TRIM37: variants seen among roughly 807,000 people sequenced by gnomAD.
TRIM37 encodes the protein tripartite motif containing 37.
In TRIM37, 80 loss-of-function variants were observed where a neutral mutation model predicts 129.8. The ratio of observed to expected loss-of-function variants is 0.62; its 90% CI spans 0.51 to 0.74. TRIM37 has a LOEUF of 0.74. TRIM37 is among the 30% of genes least tolerant of loss of function. The pLI, the probability that TRIM37 is intolerant of heterozygous loss-of-function variation, is 0.00. For missense variants in TRIM37, 1,054 were observed against 1,176.5 expected, an observed-to-expected ratio of 0.90 and a Z score of 1.52; for synonymous variants, 389 against 387.1, an observed-to-expected ratio of 1.00 and a Z score of -0.06.
At chr17:58,980,877 CCTCA>C (rs766865943), downstream of TRIM37, 1 of 1,614,210 alleles carries the variant, frequency 6.2e-7, no homozygotes. This position sits in a 1 kb window ranked among gnomAD's most constrained non-coding sequence, Gnocchi z 4.7. Context: ...ACTAGCCTGT[CCTCA>C]CTTACTGGAA....
At chr17:58,980,581 A>G (rs138211677), downstream of TRIM37, 36 of 1,614,086 alleles carry the variant, frequency 2.2e-5, no homozygotes, top group Non-Finnish European at 3.1e-5. The surrounding 1 kb of genome is among the most constrained non-coding windows in gnomAD (Gnocchi z 4.7). Flanking sequence ...TTAATGAGTT[A>G]ATGATGGAGA....
At position 59,028,407 on chromosome 17, in the gene TRIM37, T is replaced by C. The variant is rs1156663108; in HGVS notation, c.2257+8A>G. ...GTGGAGAAATGACACTGGGAACATATTACTTACAGTTTCGTATGTAACAAT... is the reference window on the plus strand; with the variant it reads ...GTGGAGAAATGACACTGGGAACATACTACTTACAGTTTCGTATGTAACAAT... On this transcript the variant is annotated splice_region_variant and intron_variant, in intron 19 of 23. Transcript: ENST00000262294. The C allele has an allele frequency of 1.2e-5, 20 of 1,609,676 alleles. No homozygotes were observed. The highest frequency in any genetic ancestry group is 1.5e-5 in the Non-Finnish European group (18 of 1,179,792).
At chr17:58,997,280 T>TG (rs1412810583), downstream of TRIM37, among the ~76,000 whole-genome samples, 3 of 152,158 alleles carry the variant, frequency 2.0e-5, no homozygotes, top group Non-Finnish European at 2.9e-5. Flanking sequence ...TTCAACTCTT[T>TG]TGCAAACCTG....
At chr17:59,091,532 TATA>T (rs1487956385) in intron 2 of TRIM37, among the ~76,000 whole-genome samples, 192 bp from the exon 3 acceptor site, 1,300 of 98,944 alleles carry the variant, frequency 0.013, 8 homozygotes, top group Middle Eastern at 0.041. Context: ...ATGTATAATG[TATA>T]ATAATGTATA....
chr17:59,102,114 T>C (rs945009888), intron 2 of TRIM37, among the ~76,000 whole-genome samples: 2 of 152,084 alleles, frequency 1.3e-5, no homozygotes, highest in African/African-American at 2.4e-5. Context: ...CAAAAGTCAG[T>C]GCTGAAGGAA....
In TRIM37 at chr17:59,015,761, A is replaced by G. The variant is rs536136260; in HGVS notation, c.2425T>C (p.Ser809Pro). 16 of 1,613,698 alleles carry G rather than the reference A, an allele frequency of 9.9e-6. No individual in the cohort carries two copies. The African/African-American group carries it at 2.1e-4, about 22-fold the overall frequency. ...CTGCCATGTATCAAGGCTCGGGGAG[A>G]ACTGTGCCTGCTCCCAGACTGAGAG... Reference protein sequence around the residue: ...GSSQSGSRHSSPRALIHGSIG... With the variant: ...GSSQSGSRHSPPRALIHGSIG... Residue 809 changes from serine to proline, a missense_variant, in exon 21 of 24, where the codon TCT becomes CCT. Coordinates refer to ENST00000262294, the MANE Select transcript of TRIM37 (RefSeq NM_015294.6).
Position 59,028,530 on chromosome 17 carries a change from A to C in TRIM37, c.2142T>G (p.Phe714Leu). Residue 714 changes from phenylalanine (F) to leucine (L), a missense_variant, in exon 19 of 24, where the codon TTT (phenylalanine) becomes TTG (leucine). Phe to Leu is a conservative substitution (Grantham distance 22, BLOSUM62 0). Around this residue, in one of 3 missense-constraint regions of TRIM37, gnomAD observed 752 missense variants for 870.8 expected, o/e 0.86. Transcript: ENST00000262294. Reference protein sequence around the residue: ...AASGDMQTSLFSADQAALAAC... With the variant: ...AASGDMQTSLLSADQAALAAC... Reference sequence around the variant, plus strand: ...CAGCCAGAGCTGCCTGGTCAGCAGAAAAAAGGCTTGTCTGCATGTCTCCAG... The same window carrying C: ...CAGCCAGAGCTGCCTGGTCAGCAGACAAAAGGCTTGTCTGCATGTCTCCAG... The C allele has an allele frequency of 6.2e-7, 1 of 1,614,230 alleles. No individual in the cohort carries two copies. The highest frequency in any genetic ancestry group is 8.5e-7 in the Non-Finnish European group (1 of 1,180,040).
At chr17:59,103,259 G>C (rs2045681662) in intron 2 of TRIM37, among the ~76,000 whole-genome samples, 1 of 152,144 alleles carries the variant, frequency 6.6e-6, no homozygotes, top group African/African-American at 2.4e-5. Context: ...ATGTGAACAA[G>C]GCAGTTTTCA....
intron 5 of TRIM37, 40 bp downstream of exon 5, chr17:59,083,962 G>C (rs1216229849): frequency 2.0e-6 from 3 of 1,509,490 alleles, no homozygotes; most frequent in Non-Finnish European, 2.8e-6. Context: ...GTGCCTTCTA[G>C]CCTCTAACTT....
At chr17:58,982,388 G>GTGT (rs1274207309), downstream of TRIM37, 1 of 152,540 alleles carries the variant, frequency 6.6e-6, no homozygotes, top group African/African-American at 2.4e-5. Flanking sequence ...GAATGTCTTA[G>GTGT]TGTTACCCTC....
At chr17:58,969,132 C>A in the TRIM37 span, among the ~76,000 whole-genome samples, 1 of 152,144 alleles carries the variant, frequency 6.6e-6, no homozygotes, top group Non-Finnish European at 1.5e-5. Flanking sequence ...TATTAAAGTA[C>A]TTTCATTTTG....
the TRIM37 span, among the ~76,000 whole-genome samples, chr17:58,973,627 G>A: frequency 6.6e-6 from 1 of 151,068 alleles, no homozygotes; most frequent in Non-Finnish European, 1.5e-5. Flanking sequence ...GGGCAACATA[G>A]TAAGACTTCA....
rs569974254 is a variant in TRIM37 at position 59,056,707 on chromosome 17, CTA to C, written c.1199+166_1199+167del. 3.0e-4 allele frequency among the ~76,000 whole-genome samples: 15 copies of C among 50,096 alleles called. No homozygotes were observed. The East Asian group carries it at 9.6e-3, about 32-fold the overall frequency. 32.9% of individuals were successfully genotyped at this position (50,096 alleles called of 152,430 possible). ...ATCGCGCCAGGGCGACAGAGCGAGA[CTA>C]TGTCTCCAAAAAAAAAAAAAAAAAA... On this transcript the variant is annotated intron_variant, in intron 13 of 23. Coordinates refer to ENST00000262294, the MANE Select transcript of TRIM37 (RefSeq NM_015294.6).
At chr17:58,980,800 C>T (rs1489552426), downstream of TRIM37, 1 of 1,614,044 alleles carries the variant, frequency 6.2e-7, no homozygotes, top group Admixed American at 1.7e-5. This position sits in a 1 kb window ranked among gnomAD's most constrained non-coding sequence, Gnocchi z 4.7. Context: ...AGAAGTGGCA[C>T]AGATTCAGGT....
At chr17:59,036,791 T>C (rs1409082963) in intron 17 of TRIM37, among the ~76,000 whole-genome samples, 1 of 152,096 alleles carries the variant, frequency 6.6e-6, no homozygotes, top group Admixed American at 6.5e-5. Context: ...TTAGATCACA[T>C]AACTCTTTAG....
chr17:59,033,607 A>G (rs1240435990), intron 17 of TRIM37, among the ~76,000 whole-genome samples: 2 of 152,022 alleles, frequency 1.3e-5, no homozygotes, highest in Non-Finnish European at 2.9e-5. Flanking sequence ...TTCAGTAGAT[A>G]CGGGGTTTCA....
At chr17:59,082,609 C>A (rs2043397214) in intron 5 of TRIM37, among the ~76,000 whole-genome samples, 1 of 152,176 alleles carries the variant, frequency 6.6e-6, no homozygotes, top group Admixed American at 6.5e-5. Context: ...AAGACTGATA[C>A]AAGTTAGCCT....
the TRIM37 span, chr17:58,972,350 A>C: frequency 1.4e-6 from 2 of 1,472,086 alleles, no homozygotes; most frequent in South Asian, 1.4e-5. Flanking sequence ...ATTAGGATTC[A>C]CTTACTTTTT....
At chr17:58,974,981 T>C in the TRIM37 span, among the ~76,000 whole-genome samples, 3 of 152,178 alleles carry the variant, frequency 2.0e-5, no homozygotes, top group Non-Finnish European at 4.4e-5. Flanking sequence ...AGGGGAAATG[T>C]CTCATTTCTA....
Sources: gnomAD v4.1 joint callset for allele counts (sites outside exome capture counted in the v4.1 genomes callset) on GRCh38, gnomAD v4.1.1 for gene constraint, gnomAD v4.1.1 regional missense constraint, Gnocchi (gnomAD v3.1) non-coding constraint, MANE v1.5 for transcripts, NCBI Gene and HGNC (gene_info 2026-07-23, HGNC 2026-07-21) for gene names.